CORO2A: variants seen among roughly 807,000 people sequenced by gnomAD.
CORO2A encodes coronin-2A.
A neutral mutation model predicts 62.4 loss-of-function variants in CORO2A; 47 were observed. That is an observed-to-expected ratio of 0.75 (90% confidence interval 0.60 to 0.96). The LOEUF is 0.96. CORO2A is among the 40% of genes least tolerant of loss of function. CORO2A has a pLI of 0.00. For missense variants in CORO2A, 610 were observed against 684.1 expected (o/e 0.89, Z 1.21); for synonymous variants, 273 against 268.9 (o/e 1.02, Z -0.15).
chr9:98,187,843 C>G (rs1828258577), intron 1 of CORO2A, among the ~76,000 whole-genome samples: 1 of 152,202 alleles, frequency 6.6e-6, no homozygotes, highest in Non-Finnish European at 1.5e-5. Context: ...CATGTTCCTA[C>G]CCAATTCAAA....
At chr9:98,129,470 C>G (rs547665870) in intron 8 of CORO2A, among the ~76,000 whole-genome samples, 1 of 152,338 alleles carries the variant, frequency 6.6e-6, no homozygotes, top group South Asian at 2.1e-4. Flanking sequence ...TCTTCTAGGT[C>G]AGCCCTTTCC....
At chr9:98,134,713 G>A in intron 4 of CORO2A, 93 bp downstream of exon 4, 1 of 1,390,882 alleles carries the variant, frequency 7.2e-7, no homozygotes, top group Non-Finnish European at 9.6e-7. Context: ...TTCGATTTCT[G>A]GTCTCCAGAA....
chr9:98,142,506 G>A (rs960169244), intron 2 of CORO2A, among the ~76,000 whole-genome samples: 11 of 152,182 alleles, frequency 7.2e-5, no homozygotes, highest in African/African-American at 2.4e-4. Context: ...TTTGGCTGTG[G>A]GGCACTGATT....
At chr9:98,145,797 C>T (rs1827636940) in intron 2 of CORO2A, among the ~76,000 whole-genome samples, 1 of 152,200 alleles carries the variant, frequency 6.6e-6, no homozygotes. Context: ...ACTGCAACCT[C>T]TGTCTCCCGG....
chr9:98,190,599 C>T (rs1021329057), intron 1 of CORO2A, among the ~76,000 whole-genome samples: 12 of 152,130 alleles, frequency 7.9e-5, no homozygotes, highest in Non-Finnish European at 1.3e-4. Context: ...AATGAGACGA[C>T]GTCTGAAGGC....
At chr9:98,158,280 T>TA (rs58330261) in intron 1 of CORO2A, among the ~76,000 whole-genome samples, 6 of 149,760 alleles carry the variant, frequency 4.0e-5, no homozygotes, top group East Asian at 2.0e-4. Flanking sequence ...ACCCTGTCTC[T>TA]AAAAAAAAAA....
At chr9:98,154,437 C>A (rs559605466) in intron 2 of CORO2A, among the ~76,000 whole-genome samples, 1 of 149,490 alleles carries the variant, frequency 6.7e-6, no homozygotes, top group Non-Finnish European at 1.5e-5. Context: ...TGAAAATTAT[C>A]AGCTTAACAA....
At chr9:98,125,002 G>A (rs1210521440) in intron 11 of CORO2A, 97 bp from the exon 12 acceptor site, 20 of 1,429,032 alleles carry the variant, frequency 1.4e-5, no homozygotes, top group South Asian at 4.1e-5. Flanking sequence ...AGGTGGAGGC[G>A]GTCACATTAA....
intron 1 of CORO2A, among the ~76,000 whole-genome samples, chr9:98,191,867 G>C (rs1828309256): frequency 6.6e-6 from 1 of 152,230 alleles, no homozygotes; most frequent in African/African-American, 2.4e-5. Context: ...CTAGGCACCA[G>C]CACCTGGCCC....
chr9:98,178,448 G>C (rs182304623), intron 1 of CORO2A, among the ~76,000 whole-genome samples: 1 of 152,216 alleles, frequency 6.6e-6, no homozygotes, highest in East Asian at 1.9e-4. Flanking sequence ...TGTCCATTCT[G>C]TAAGCGCTAG....
At chr9:98,137,548 A>G (rs770217947) in intron 3 of CORO2A, 24 bp downstream of exon 3, 1 of 1,586,396 alleles carries the variant, frequency 6.3e-7, no homozygotes, top group Non-Finnish European at 8.7e-7. Context: ...AGGAAGGGGA[A>G]GCCCCTCAGG....
At chr9:98,159,791 T>G (rs1827859065) in intron 1 of CORO2A, among the ~76,000 whole-genome samples, 1 of 152,044 alleles carries the variant, frequency 6.6e-6, no homozygotes, top group African/African-American at 2.4e-5. Context: ...TCTGCTGGCT[T>G]GGAGCTTCCT....
intron 1 of CORO2A, among the ~76,000 whole-genome samples, chr9:98,185,744 C>A (rs1468183302): frequency 6.6e-6 from 1 of 152,218 alleles, no homozygotes; most frequent in East Asian, 1.9e-4. Context: ...TTCCCTTGCA[C>A]TTCTTACTTC....
At chr9:98,143,288 T>C (rs1827599314) in intron 2 of CORO2A, among the ~76,000 whole-genome samples, 1 of 152,172 alleles carries the variant, frequency 6.6e-6, no homozygotes, top group Non-Finnish European at 1.5e-5. Flanking sequence ...CTGACCTCCA[T>C]TGCCAGAAAG....
At chr9:98,189,890 T>TA (rs34601630) in intron 1 of CORO2A, among the ~76,000 whole-genome samples, 86,430 of 149,382 alleles carry the variant, frequency 0.58, 25,024 homozygotes, top group African/African-American at 0.7. Flanking sequence ...CTCCTTTATT[T>TA]TTTTTTTTTT....
At position 98,157,576 on chromosome 9, in the gene CORO2A, C is replaced by T. The variant is rs201807340; in HGVS notation, c.85G>A (p.Val29Met). 1.3e-4 allele frequency: 213 copies of T among 1,614,016 alleles called. No individual in the cohort carries two copies. Among genetic ancestry groups the T allele is most frequent in the Middle Eastern group, 1.6e-4 (1 of 6,084 alleles). ...TCGTGAACGCTGCGGGTGATAGGCA[C>T]GGAGTCGTAGCAGTTCTCCTTGCTG... ...PASKENCYDS[V>M]PITRSVHDNH... is the part of the protein sequence containing the mutation. The change falls in exon 2 of 12, where the codon GTG becomes ATG. Residue 29 changes from valine to methionine, a missense_variant. Coordinates refer to ENST00000375077, the MANE Select transcript of CORO2A (RefSeq NM_052820.4).
intron 3 of CORO2A, among the ~76,000 whole-genome samples, chr9:98,136,146 AAG>A (rs1002181017): frequency 1.3e-5 from 2 of 152,226 alleles, no homozygotes; most frequent in Non-Finnish European, 2.9e-5. Flanking sequence ...TGAGGCTAGC[AAG>A]AGATTTATAA....
chr9:98,172,174 A>C (rs1196256063), intron 1 of CORO2A, among the ~76,000 whole-genome samples: 1 of 151,994 alleles, frequency 6.6e-6, no homozygotes, highest in Non-Finnish European at 1.5e-5. Flanking sequence ...CTGCTCCTGC[A>C]GATGCTGGAA....
Position 98,128,667 on chromosome 9 carries a change from G to A in CORO2A, c.1020C>T (p.Phe340=), listed in dbSNP as rs768406146. Residue 340 remains phenylalanine (F), a synonymous_variant, in exon 9 of 12, where the codon TTC becomes TTT. Transcript: ENST00000375077. ...GGCTTTTGGTTGTGATCAGCTTGTA[G>A]AAGCGGAAGATCTCGCAGGAGGACA... is the stretch of plus-strand genomic sequence containing the variant. ...LDVSSCEIFR[F]YKLITTKSLI... 3.7e-6 allele frequency: 6 copies of A among 1,614,108 alleles called. No individual in the cohort carries two copies. Among genetic ancestry groups the A allele is most frequent in the Non-Finnish European group, 5.1e-6 (6 of 1,180,056 alleles).
Sources: allele counts gnomAD v4.1 joint callset (sites outside exome capture counted in the v4.1 genomes callset), GRCh38; gene constraint gnomAD v4.1.1; transcripts MANE v1.5; gene names NCBI Gene and HGNC (gene_info 2026-07-23, HGNC 2026-07-21).